TRIM59: variants seen among roughly 807,000 people sequenced by gnomAD.
The protein encoded by TRIM59 is tripartite motif containing 59, also known as tripartite motif-containing protein 59.
In TRIM59, 14 loss-of-function variants were observed where a neutral mutation model predicts 32.2. The ratio of observed to expected loss-of-function variants is 0.43; its 90% confidence interval spans 0.29 to 0.68. The LOEUF (loss-of-function observed/expected upper bound fraction) is 0.68. Among genes scored for constraint, TRIM59 ranks in the 30% least tolerant of loss-of-function variants. The pLI is 0.15. For synonymous variants in TRIM59, 163 were observed against 155.1 expected, an observed-to-expected ratio of 1.05 and a Z score of -0.38; for missense variants, 471 against 463.3, an observed-to-expected ratio of 1.02 and a Z score of -0.15.
Position 160,438,047 on chromosome 3 carries a change from C to G in TRIM59, c.1137G>C (p.Leu379=), listed in dbSNP as rs1560023303. ...LSVYQSLSNS[L]HKVKNILCHI... Reference sequence around the variant, plus strand: ...GACACAGTATATTCTTTACCTTATGCAGACTGTTAGATAAACTTTGGTAAA... The same window carrying G: ...GACACAGTATATTCTTTACCTTATGGAGACTGTTAGATAAACTTTGGTAAA... Residue 379 remains leucine, a synonymous_variant, in exon 3 of 3, where the codon CTG becomes CTC. Coordinates refer to ENST00000309784, the MANE Select transcript of TRIM59 (RefSeq NM_173084.3). The G allele has an allele frequency of 6.2e-7, 1 of 1,600,564 alleles. No homozygotes were observed. Among genetic ancestry groups the G allele is most frequent in the Non-Finnish European group, 8.5e-7 (1 of 1,176,400 alleles).
rs1017613755 is a variant in TRIM59, at chr3:160,437,125, G to A, written c.*847C>T. The A allele has an allele frequency of 1.1e-6, 1 of 932,262 alleles. No homozygotes were observed. Among genetic ancestry groups the A allele is most frequent in the Non-Finnish European group, 1.3e-6 (1 of 781,542 alleles). The allele number at this position is 932,262 out of a possible 1,614,324, so 57.7% of individuals were successfully genotyped here. On this transcript the variant is annotated 3_prime_UTR_variant, in exon 3 of 3. Coordinates refer to ENST00000309784, the MANE Select transcript of TRIM59 (RefSeq NM_173084.3). ...CCAGCACTTTGGGAGGCCAAGGTGG[G>A]CAGATCTCTTGAGCCCAGAAGTTTG...
Position 160,435,776 on chromosome 3 carries a change from C to G in TRIM59, c.*2196G>C, listed in dbSNP as rs1718907182. ...CATTCTTACAGATTACAAACCCTTA[C>G]CAACATTAATCTTGGCCTACTTTAA... On this transcript the variant is annotated 3_prime_UTR_variant, in exon 3 of 3. Coordinates refer to ENST00000309784, the MANE Select transcript of TRIM59 (RefSeq NM_173084.3). 2.3e-6 allele frequency: 1 copy of G among 433,126 alleles called. No homozygotes were observed. Among genetic ancestry groups the G allele is most frequent in the Admixed American group, 2.8e-5 (1 of 35,666 alleles). The allele number at this position is 433,126 out of a possible 1,614,324, so 26.8% of individuals were successfully genotyped here.
At chr3:160,446,119 G>T (rs1719517095) in intron 2 of TRIM59, among the ~76,000 whole-genome samples, 1 of 152,004 alleles carries the variant, frequency 6.6e-6, no homozygotes, top group South Asian at 2.1e-4. Flanking sequence ...CTAAGAATTG[G>T]TTCTTTAAGT....
intron 2 of TRIM59, among the ~76,000 whole-genome samples, chr3:160,448,261 T>C (rs1719637306): frequency 6.6e-6 from 1 of 152,242 alleles, no homozygotes; most frequent in Non-Finnish European, 1.5e-5. Flanking sequence ...GTGGGAAATA[T>C]TCATCAACGT....
In TRIM59 at chr3:160,438,355, T is replaced by A; in HGVS notation, c.829A>T (p.Ile277Phe). The stretch of plus-strand genomic sequence containing the variant: ...AATATTTTGCTTACTCGAGGATAAA[T>A]TTCAACGGGTTGAACCTCAGGAAGT... ...RPLPEVQPVEIYPRVSKILKE... is the reference protein window; with the variant it reads ...RPLPEVQPVEFYPRVSKILKE... Residue 277 changes from isoleucine (I) to phenylalanine (F), a missense_variant, in exon 3 of 3, where the codon ATT becomes TTT. Ile to Phe is a conservative substitution (Grantham distance 21, BLOSUM62 0). Coordinates refer to ENST00000309784, the MANE Select transcript of TRIM59 (RefSeq NM_173084.3). 5.6e-6 allele frequency: 9 copies of A among 1,613,642 alleles called. No individual in the cohort carries two copies. Among genetic ancestry groups the A allele is most frequent in the Non-Finnish European group, 7.6e-6 (9 of 1,179,878 alleles).
chr3:160,448,938 G>T, intron 1 of TRIM59, 143 bp from the exon 2 acceptor site: 1 of 378,450 alleles, frequency 2.6e-6, no homozygotes, highest in East Asian at 8.0e-5. Flanking sequence ...CAACACAGTT[G>T]CTGGAGCTGC....
intron 1 of TRIM59, 54 bp from the exon 2 acceptor site, chr3:160,448,849 T>TA: frequency 2.3e-5 from 23 of 994,640 alleles, no homozygotes; most frequent in Admixed American, 3.3e-5. Context: ...TCTCATGTCA[T>TA]AAAAATGGTT....
chr3:160,437,074 GCA>G lies in TRIM59; in HGVS notation c.*896_*897del. 1 of 985,178 alleles carries G rather than the reference GCA, an allele frequency of 1.0e-6. No individual in the cohort carries two copies. The highest frequency in any genetic ancestry group is 1.2e-6 in the Non-Finnish European group (1 of 829,722). 61.0% of individuals were successfully genotyped at this position (985,178 alleles called of 1,614,324 possible). On this transcript the variant is annotated 3_prime_UTR_variant, in exon 3 of 3. Coordinates refer to ENST00000309784, the MANE Select transcript of TRIM59 (RefSeq NM_173084.3). ...AGTATTAGAAAATGCTGGCCCCCAG[GCA>G]CAGTGTGGCTAACGTCTGTAATCCC... is the stretch of plus-strand genomic sequence containing the variant.
rs756861795 is a variant in TRIM59 at position 160,438,218 on chromosome 3, C to CT, written c.965dup (p.Glu323GlyfsTer3). On this transcript the variant is annotated frameshift_variant, in exon 3 of 3. Transcript: ENST00000309784. LOFTEE classifies it high-confidence loss of function. ...TTAAAATTTTTAAAAATTCAACTTC[C>CT]TTTTCATCCTTACCAGGCCAGGAAC... 9.3e-6 allele frequency: 15 copies of CT among 1,613,218 alleles called. No individual in the cohort carries two copies. Among genetic ancestry groups the CT allele is most frequent in the African/African-American group, 1.3e-5 (1 of 74,860 alleles).
chr3:160,448,683 CTTAA>C (rs1719663675), intron 2 of TRIM59, 39 bp downstream of exon 2: 2 of 1,139,448 alleles, frequency 1.8e-6, no homozygotes, highest in Non-Finnish European at 2.3e-6. Context: ...TCTGTAAAAA[CTTAA>C]TTGTTTTTCA....
At position 160,438,706 on chromosome 3, in the gene TRIM59, G is replaced by C; in HGVS notation, c.478C>G (p.Leu160Val). Residue 160 changes from leucine to valine, a missense_variant, in exon 3 of 3, where the codon CTT becomes GTT. By Grantham distance (32) the Leu-to-Val change is conservative. Coordinates refer to ENST00000309784, the MANE Select transcript of TRIM59 (RefSeq NM_173084.3). ...EQLTDTHWTD[L>V]THLIEKLKEQ... ...TTCAGCTTTTCAATAAGATGGGTAA[G>C]ATCTGTCCAGTGTGTGTCAGTCAAC... 1 of 1,613,912 alleles carries C rather than the reference G, an allele frequency of 6.2e-7. No individual in the cohort carries two copies. Among genetic ancestry groups the C allele is most frequent in the South Asian group, 1.1e-5 (1 of 91,070 alleles).
chr3:160,442,278 T>C (rs73155907), intron 2 of TRIM59, among the ~76,000 whole-genome samples: 32 of 152,274 alleles, frequency 2.1e-4, no homozygotes, highest in Non-Finnish European at 3.7e-4. Flanking sequence ...AAAGCTCAAC[T>C]TTCTTTAGAA....
Position 160,437,963 on chromosome 3 carries a change from T to C in TRIM59, c.*9A>G. ...AATAAGCCCATTTAAACAATTCAGG[T>C]TGACATTTTCAATGGGAAACTATTT... is the stretch of plus-strand genomic sequence containing the variant. On this transcript the variant is annotated 3_prime_UTR_variant, in exon 3 of 3. Transcript: ENST00000309784. The C allele has an allele frequency of 6.5e-7, 1 of 1,532,578 alleles. No individual in the cohort carries two copies. Among genetic ancestry groups the C allele is most frequent in the Non-Finnish European group, 8.7e-7 (1 of 1,146,062 alleles). The allele number at this position is 1,532,578 out of a possible 1,614,324, so 94.9% of individuals were successfully genotyped here. A position where few individuals can be genotyped will look rare whatever the true frequency, so the allele number is the denominator to read the frequency against.
At position 160,436,345 on chromosome 3, in the gene TRIM59, G is replaced by C; in HGVS notation, c.*1627C>G. On this transcript the variant is annotated 3_prime_UTR_variant, in exon 3 of 3. Transcript: ENST00000309784. The stretch of plus-strand genomic sequence containing the variant: ...GGTAAGGCTCTTCGGTGATCCAAGA[G>C]CAGCCCCTTTGGGATTTCTGGAAAG... 3 of 986,076 alleles carry C rather than the reference G, an allele frequency of 3.0e-6. No homozygotes were observed. The highest frequency in any genetic ancestry group is 2.4e-6 in the Non-Finnish European group (2 of 830,122). The allele number at this position is 986,076 out of a possible 1,614,324, so 61.1% of individuals were successfully genotyped here. A position where few individuals can be genotyped will look rare whatever the true frequency, so the allele number is the denominator to read the frequency against.
intron 2 of TRIM59, among the ~76,000 whole-genome samples, chr3:160,440,650 G>A (rs1560024862): frequency 6.6e-6 from 1 of 152,008 alleles, no homozygotes; most frequent in Non-Finnish European, 1.5e-5. Flanking sequence ...AGTGGTTCAC[G>A]CATATAATCC....
In TRIM59 at chr3:160,435,743, GTT is replaced by G. The variant is rs555551195; in HGVS notation, c.*2227_*2228del. ...AATCTAAAATGATATATATACTTAC[GTT>G]TTTAGCATTCTTACAGATTACAAAC... On this transcript the variant is annotated 3_prime_UTR_variant, in exon 3 of 3. Transcript: ENST00000309784. 3.0e-6 allele frequency: 1 copy of G among 336,792 alleles called. No individual in the cohort carries two copies. The highest frequency in any genetic ancestry group is 5.8e-6 in the Non-Finnish European group (1 of 171,316). 20.9% of individuals were successfully genotyped at this position (336,792 alleles called of 1,614,324 possible).
chr3:160,448,454 T>C (rs745814966), intron 2 of TRIM59, among the ~76,000 whole-genome samples: 23 of 152,218 alleles, frequency 1.5e-4, no homozygotes, highest in Non-Finnish European at 3.1e-4. Flanking sequence ...AATAACAACT[T>C]TGCATGTGTT....
At chr3:160,446,140 G>A (rs1471077964) in intron 2 of TRIM59, among the ~76,000 whole-genome samples, 2 of 152,078 alleles carry the variant, frequency 1.3e-5, no homozygotes, top group Non-Finnish European at 2.9e-5. Context: ...AAATAAACAA[G>A]CCATTAGCTA....
chr3:160,445,773 CAAAAA>C (rs75175042), intron 2 of TRIM59, among the ~76,000 whole-genome samples: 2 of 90,898 alleles, frequency 2.2e-5, no homozygotes, highest in Non-Finnish European at 4.4e-5. Flanking sequence ...GACTCTGTCT[CAAAAA>C]AAAAAAAAAA....
Sources: allele counts gnomAD v4.1 joint callset (sites outside exome capture counted in the v4.1 genomes callset), GRCh38; gene constraint gnomAD v4.1.1; transcripts MANE v1.5; gene names NCBI Gene and HGNC (gene_info 2026-07-23, HGNC 2026-07-21).